Variants in FAT4 observed in about 807,000 individuals in gnomAD.
FAT4 encodes the protein protocadherin Fat 4.
Under a neutral mutation model 303.9 loss-of-function variants are expected in FAT4, and 84 were observed. That is an observed-to-expected ratio of 0.28 (90% CI 0.23 to 0.33). The LOEUF (loss-of-function observed/expected upper bound fraction) is 0.33, where lower values mean the gene tolerates loss of function less well. FAT4 is among the 10% of genes least tolerant of loss of function. The pLI is 1.00. For synonymous variants in FAT4, 2,307 were observed against 2,298.8 expected (o/e 1.00, Z -0.10); for missense variants, 6,005 against 6,146.8 (o/e 0.98, Z 0.77).
At chr4:125,446,669 A>C in intron 9 of FAT4, 126 bp downstream of exon 9, 1 of 979,790 alleles carries the variant, frequency 1.0e-6, no homozygotes, top group Non-Finnish European at 1.4e-6. Context: ...ATCCTCTAAA[A>C]TTCAGGTTGT....
chr4:125,331,836 G>T (rs902487825), intron 2 of FAT4, among the ~76,000 whole-genome samples: 2 of 152,018 alleles, frequency 1.3e-5, no homozygotes, highest in African/African-American at 4.8e-5. Context: ...AATAATATCA[G>T]TAAACTTGAT....
chr4:125,480,031 T>G (rs1727169163), intron 15 of FAT4, among the ~76,000 whole-genome samples, 166 bp downstream of exon 15: 2 of 152,234 alleles, frequency 1.3e-5, no homozygotes, highest in Non-Finnish European at 2.9e-5. Context: ...AAAATTATTT[T>G]TGTAACCTGA....
intron 13 of FAT4, among the ~76,000 whole-genome samples, chr4:125,476,778 C>T (rs943020239): frequency 2.0e-5 from 3 of 152,124 alleles, no homozygotes; most frequent in Non-Finnish European, 4.4e-5. Context: ...CATTGATCAA[C>T]TTACTGATAT....
Position 125,316,300 on chromosome 4 carries a change from A to G in FAT4, c.-12-100A>G. On this transcript the variant is annotated intron_variant, in intron 1 of 17. Coordinates refer to ENST00000394329, the MANE Select transcript of FAT4 (RefSeq NM_001291303.3). This position sits in a 1 kb window ranked among gnomAD's most constrained non-coding sequence, Gnocchi z 5.7. ...GGTTCTTTGAAATAGCAGAGGTCTCAGACCAAGCCGTCAGCTGAATCTTTG... is the reference window on the plus strand; with the variant it reads ...GGTTCTTTGAAATAGCAGAGGTCTCGGACCAAGCCGTCAGCTGAATCTTTG... 7.0e-7 allele frequency: 1 copy of G among 1,419,072 alleles called. No individual in the cohort carries two copies. Among genetic ancestry groups the G allele is most frequent in the Non-Finnish European group, 9.4e-7 (1 of 1,059,732 alleles). The allele number at this position is 1,419,072 out of a possible 1,614,324, so 87.9% of individuals were successfully genotyped here.
intron 2 of FAT4, among the ~76,000 whole-genome samples, chr4:125,372,275 T>G (rs866417280): frequency 6.6e-6 from 1 of 151,378 alleles, no homozygotes; most frequent in Admixed American, 6.6e-5. Flanking sequence ...GGTGGGAGGA[T>G]CGCTTGAACC....
intron 3 of FAT4, among the ~76,000 whole-genome samples, chr4:125,399,855 A>C (rs1395182807): frequency 3.3e-5 from 5 of 151,982 alleles, no homozygotes; most frequent in Non-Finnish European, 7.4e-5. Flanking sequence ...TCAATTTTAC[A>C]ATGTGAAGTT....
intron 5 of FAT4, among the ~76,000 whole-genome samples, chr4:125,412,279 T>G (rs1303429602): frequency 2.6e-5 from 4 of 151,838 alleles, no homozygotes; most frequent in African/African-American, 9.7e-5. Flanking sequence ...AGTTATTTTC[T>G]TTACAGTAAA....
intron 2 of FAT4, among the ~76,000 whole-genome samples, chr4:125,348,007 G>GA (rs1485640903): frequency 1.3e-5 from 2 of 151,682 alleles, no homozygotes; most frequent in East Asian, 1.9e-4. Context: ...AAATGAACTA[G>GA]AAAAAATCAT....
chr4:125,390,618 T>C (rs1049855233), intron 2 of FAT4, among the ~76,000 whole-genome samples: 2 of 152,198 alleles, frequency 1.3e-5, no homozygotes, highest in African/African-American at 4.8e-5. Context: ...CTACACAGCA[T>C]AAACTGAGGC....
chr4:125,393,663 T>C (rs569931716), intron 2 of FAT4, among the ~76,000 whole-genome samples: 1 of 152,340 alleles, frequency 6.6e-6, no homozygotes, highest in South Asian at 2.1e-4. Flanking sequence ...AGTTTTAAAA[T>C]ATCCATTTGA....
chr4:125,398,695 T>G, intron 2 of FAT4, 89 bp from the exon 3 acceptor site: 1 of 1,339,922 alleles, frequency 7.5e-7, no homozygotes, highest in South Asian at 1.5e-5. Flanking sequence ...TTTGGCAGTC[T>G]TGATTGCGTG....
chr4:125,467,313 A>T (rs1361347288), intron 11 of FAT4, among the ~76,000 whole-genome samples: 1 of 152,212 alleles, frequency 6.6e-6, no homozygotes, highest in Non-Finnish European at 1.5e-5. Context: ...TCTATAAAAT[A>T]ATGGCATTGG....
chr4:125,346,984 A>G (rs988514204), intron 2 of FAT4, among the ~76,000 whole-genome samples: 5 of 151,438 alleles, frequency 3.3e-5, no homozygotes, highest in African/African-American at 9.7e-5. Flanking sequence ...CTGTGGTAAG[A>G]GAAATATTTA....
At chr4:125,364,788 G>A (rs1732800947) in intron 2 of FAT4, among the ~76,000 whole-genome samples, 1 of 152,078 alleles carries the variant, frequency 6.6e-6, no homozygotes, top group Admixed American at 6.6e-5. Flanking sequence ...GTGTGAGAGT[G>A]AAGAGCACCC....
Position 125,317,236 on chromosome 4 carries a change from G to A in FAT4, c.825G>A (p.Ala275=), listed in dbSNP as rs773124585. The change falls in exon 2 of 18, where the codon GCG becomes GCA. Residue 275 remains alanine (A), a synonymous_variant. Coordinates refer to ENST00000394329, the MANE Select transcript of FAT4 (RefSeq NM_001291303.3). The surrounding 1 kb of genome is among the most constrained non-coding windows in gnomAD (Gnocchi z 7.0). ...VGSSVLQVAA[A]DADEGTNADI... is the part of the protein sequence containing the mutation. The stretch of plus-strand genomic sequence containing the variant: ...CCAGCGTCCTCCAGGTGGCGGCGGC[G>A]GACGCGGACGAGGGCACCAACGCGG... 6.3e-7 allele frequency: 1 copy of A among 1,579,162 alleles called. No individual in the cohort carries two copies. Among genetic ancestry groups the A allele is most frequent in the East Asian group, 2.3e-5 (1 of 44,408 alleles).
At position 125,451,281 on chromosome 4, in the gene FAT4, A is replaced by G. The variant is rs561616799; in HGVS notation, c.10271A>G (p.His3424Arg). Reference sequence around the variant, plus strand: ...AGTGAAGGGGTCCCAATAGGAACTCATGTGACCTTTGTCAGTGCCTTTGAC... The same window carrying G: ...AGTGAAGGGGTCCCAATAGGAACTCGTGTGACCTTTGTCAGTGCCTTTGAC... ...QISEGVPIGT[H>R]VTFVSAFDSD... is the part of the protein sequence containing the mutation. Residue 3424 changes from histidine (H) to arginine (R), a missense_variant, in exon 10 of 18, where the codon CAT becomes CGT. Coordinates refer to ENST00000394329, the MANE Select transcript of FAT4 (RefSeq NM_001291303.3). 5 of 1,614,130 alleles carry G rather than the reference A, an allele frequency of 3.1e-6. No individual in the cohort carries two copies. The South Asian group carries it at 5.5e-5, about 18-fold the overall frequency.
intron 2 of FAT4, among the ~76,000 whole-genome samples, chr4:125,329,996 C>G (rs1262726370): frequency 6.6e-6 from 1 of 152,176 alleles, no homozygotes; most frequent in Non-Finnish European, 1.5e-5. Context: ...GTCTAAGACA[C>G]CATCATTCTT....
chr4:125,421,642 A>T lies in FAT4; in HGVS notation c.7018+5020A>T, dbSNP rs116435292. Among the ~76,000 whole-genome samples, 663 of 152,344 alleles carry T rather than the reference A, an allele frequency of 4.4e-3. 4 individuals carry two copies. Among genetic ancestry groups the T allele is most frequent in the African/African-American group, 0.015 (628 of 41,574 alleles). ...CTTTGGGGATGCTACAGTTATACTC[A>T]GAGGAGTTTTTAAAGAAAGCTACAT... On this transcript the variant is annotated intron_variant, in intron 7 of 17. Coordinates refer to ENST00000394329, the MANE Select transcript of FAT4 (RefSeq NM_001291303.3).
rs775191237 is a variant in FAT4, at chr4:125,448,876, G to T, written c.7866G>T (p.Gln2622His). 6.2e-7 allele frequency: 1 copy of T among 1,609,184 alleles called. No individual in the cohort carries two copies. The highest frequency in any genetic ancestry group is 1.1e-5 in the South Asian group (1 of 90,988). The change falls in exon 10 of 18, where the codon CAG (glutamine) becomes CAT (histidine). Residue 2622 changes from glutamine to histidine, a missense_variant. By Grantham distance (24) the Gln-to-His change is conservative. Transcript: ENST00000394329. ...TCCAGATTGATCAGTTAACAGGGCAGGTGTCTATTAGTCAACCTCTGGATT... is the reference window on the plus strand; with the variant it reads ...TCCAGATTGATCAGTTAACAGGGCATGTGTCTATTAGTCAACCTCTGGATT... ...NTFQIDQLTG[Q>H]VSISQPLDFE...
Sources: gnomAD v4.1 joint callset for allele counts (sites outside exome capture counted in the v4.1 genomes callset) on GRCh38, gnomAD v4.1.1 for gene constraint, Gnocchi (gnomAD v3.1) non-coding constraint, MANE v1.5 for transcripts, NCBI Gene and HGNC (gene_info 2026-07-23, HGNC 2026-07-21) for gene names.